Variants in FAM149A observed in about 807,000 individuals in gnomAD.
The protein encoded by FAM149A is family with sequence similarity 149 member A.
FAM149A carries 71 observed loss-of-function variants against 78.2 expected under a neutral mutation model. The ratio of observed to expected loss-of-function variants is 0.91; its 90% CI spans 0.75 to 1.11. The LOEUF (loss-of-function observed/expected upper bound fraction) is 1.11. Among genes scored for constraint, FAM149A ranks in the 50% least tolerant of loss-of-function variants. The probability of loss-of-function intolerance (pLI) is 0.00; values close to 1 mark genes in which losing one functional copy is unlikely to be tolerated. For synonymous variants in FAM149A, 446 were observed against 410.5 expected (o/e 1.09, Z -1.04); for missense variants, 1,036 against 971.0 (o/e 1.07, Z -0.89).
At chr4:186,119,868 A>G (rs1029925434) in intron 1 of FAM149A, among the ~76,000 whole-genome samples, 1 of 152,220 alleles carries the variant, frequency 6.6e-6, no homozygotes, top group African/African-American at 2.4e-5. Context: ...TTCATAATCC[A>G]GTTGAACTAA....
chr4:186,143,149 CTTTTTTT>C (rs141403092), intron 1 of FAM149A, among the ~76,000 whole-genome samples: 27 of 85,038 alleles, frequency 3.2e-4, no homozygotes, highest in Non-Finnish European at 5.4e-4. Context: ...TCGATTTTTA[CTTTTTTT>C]TTTTTTTTTT....
chr4:186,171,656 A>G (rs28631173), intron 13 of FAM149A, among the ~76,000 whole-genome samples: 30,910 of 152,196 alleles, frequency 0.2, 6,244 homozygotes, highest in African/African-American at 0.52. Context: ...CCGCCTCTGC[A>G]TGGAAGCTTC....
intron 13 of FAM149A, chr4:186,169,694 G>C (rs1428240191): frequency 1.4e-5 from 14 of 985,432 alleles, no homozygotes; most frequent in Non-Finnish European, 1.3e-5. Flanking sequence ...TTCTGGAAGA[G>C]GAGGTGGGGG....
intron 6 of FAM149A, among the ~76,000 whole-genome samples, chr4:186,155,217 C>T (rs548850679): frequency 1.3e-5 from 2 of 152,208 alleles, no homozygotes; most frequent in African/African-American, 2.4e-5. Context: ...CCTTCTGCCT[C>T]GGCCTCCCAA....
At position 186,109,137 on chromosome 4, in the gene FAM149A, G is replaced by A. The variant is rs1414569783; in HGVS notation, c.566+3495G>A. 7.1e-6 allele frequency: 7 copies of A among 984,692 alleles called. No homozygotes were observed. In the South Asian group the frequency reaches 1.4e-4, roughly 20 times the overall value. 61.0% of individuals were successfully genotyped at this position (984,692 alleles called of 1,614,324 possible). On this transcript the variant is annotated intron_variant, in intron 1 of 13. Transcript: ENST00000389354. ...GCTGGGATTACAGGCTTGAGCCACC[G>A]CGCCCGGCCGGTCTTATTCTCTTAT...
chr4:186,146,078 A>G (rs1225543519), intron 1 of FAM149A, among the ~76,000 whole-genome samples: 1 of 151,990 alleles, frequency 6.6e-6, no homozygotes, highest in Non-Finnish European at 1.5e-5. Context: ...GTGCCACTGG[A>G]GAGACAGGCA....
chr4:186,151,230 C>T (rs1232919207), intron 3 of FAM149A, among the ~76,000 whole-genome samples: 1 of 152,154 alleles, frequency 6.6e-6, no homozygotes. Context: ...TCACCACCAT[C>T]CCTCAAGCCC....
At chr4:186,165,812 C>G (rs1159946171) in intron 11 of FAM149A, among the ~76,000 whole-genome samples, 1 of 152,142 alleles carries the variant, frequency 6.6e-6, no homozygotes, top group African/African-American at 2.4e-5. Flanking sequence ...AAACTCTCTT[C>G]TATGACTTGG....
At chr4:186,119,726 A>G (rs149590875) in intron 1 of FAM149A, among the ~76,000 whole-genome samples, 15 of 152,326 alleles carry the variant, frequency 9.8e-5, no homozygotes, top group Non-Finnish European at 1.8e-4. Context: ...TAATAATTCT[A>G]TTTCAGAGAA....
intron 1 of FAM149A, among the ~76,000 whole-genome samples, chr4:186,135,118 G>C (rs1019635343): frequency 4.6e-5 from 7 of 152,196 alleles, no homozygotes; most frequent in African/African-American, 1.7e-4. Context: ...GGGTTTTTAC[G>C]AGCTCTCTGG....
chr4:186,121,083 A>G (rs969875646), intron 1 of FAM149A, among the ~76,000 whole-genome samples: 2 of 151,830 alleles, frequency 1.3e-5, no homozygotes, highest in Non-Finnish European at 2.9e-5. Context: ...TAAAGCATTC[A>G]TTTTTTCAAC....
At chr4:186,116,306 T>A (rs1265996652) in intron 1 of FAM149A, 33 of 234,542 alleles carry the variant, frequency 1.4e-4, no homozygotes, top group Non-Finnish European at 1.8e-4. Flanking sequence ...CACTCCCTAG[T>A]GAGATGCACC....
chr4:186,130,187 C>A (rs2099319969), intron 1 of FAM149A: 1 of 151,054 alleles, frequency 6.6e-6, no homozygotes, highest in Admixed American at 6.6e-5. Context: ...GTAACTGTTA[C>A]AACCCAGACA....
chr4:186,136,463 A>C (rs1373609036), intron 1 of FAM149A, among the ~76,000 whole-genome samples: 1 of 152,182 alleles, frequency 6.6e-6, no homozygotes, highest in Non-Finnish European at 1.5e-5. Context: ...GATTCTGCCT[A>C]ATAATTACTC....
intron 1 of FAM149A, among the ~76,000 whole-genome samples, chr4:186,135,495 C>T (rs2099322320): frequency 6.6e-6 from 1 of 152,088 alleles, no homozygotes; most frequent in Non-Finnish European, 1.5e-5. Context: ...ACAGGGTTCG[C>T]GTCCTGTGAG....
At chr4:186,170,025 TGG>T in intron 13 of FAM149A, 1 of 805,968 alleles carries the variant, frequency 1.2e-6, no homozygotes, top group South Asian at 5.6e-5. Flanking sequence ...ATTTGGGGAG[TGG>T]GAAGGGTATG....
At position 186,167,186 on chromosome 4, in the gene FAM149A, G is replaced by T; in HGVS notation, c.2142G>T (p.Ser714=). 1 of 1,609,612 alleles carries T rather than the reference G, an allele frequency of 6.2e-7. No homozygotes were observed. Reference sequence around the variant, plus strand: ...TGATTTTATTTTTCTTCCAGCAGTCGGATACGCCTCGAAAAAGTTCATTGA... The same window carrying T: ...TGATTTTATTTTTCTTCCAGCAGTCTGATACGCCTCGAAAAAGTTCATTGA... Residue 714 remains serine, a splice_region_variant and synonymous_variant, in exon 13 of 14, where the codon TCG becomes TCT. Coordinates refer to ENST00000389354, the MANE Select transcript of FAM149A (RefSeq NM_001367768.3).
intron 4 of FAM149A, 101 bp downstream of exon 4, chr4:186,152,146 C>A: frequency 8.6e-7 from 1 of 1,157,964 alleles, no homozygotes; most frequent in Non-Finnish European, 1.3e-6. Context: ...AAGTGCCTGC[C>A]CAGTCAGAAT....
intron 4 of FAM149A, among the ~76,000 whole-genome samples, chr4:186,152,919 G>A (rs1390227358): frequency 2.0e-5 from 3 of 152,142 alleles, no homozygotes; most frequent in Non-Finnish European, 4.4e-5. Flanking sequence ...AGTTCCTGTG[G>A]ATTCTGTCTG....
Sources: allele counts gnomAD v4.1 joint callset (sites outside exome capture counted in the v4.1 genomes callset), GRCh38; gene constraint gnomAD v4.1.1; transcripts MANE v1.5; gene names NCBI Gene and HGNC (gene_info 2026-07-23, HGNC 2026-07-21).